Variants in PTER observed in about 807,000 individuals in gnomAD.
PTER encodes the protein N-acetyltaurine hydrolase.
PTER carries 38 observed loss-of-function variants against 29.6 expected under a neutral mutation model. That is an observed-to-expected ratio of 1.28 (90% CI 0.99 to 1.68). PTER has a LOEUF of 1.68. Among genes scored for constraint, PTER ranks in the 40% most tolerant of loss-of-function variants. PTER has a pLI of 0.00. For synonymous variants in PTER, 172 were observed against 154.5 expected, an observed-to-expected ratio of 1.11 and a Z score of -0.84; for missense variants, 482 against 427.8, an observed-to-expected ratio of 1.13 and a Z score of -1.12.
chr10:16,484,209 T>C (rs910558380), intron 1 of PTER, 128 bp from the exon 2 acceptor site: 24 of 601,292 alleles, frequency 4.0e-5, no homozygotes, highest in Admixed American at 3.8e-4. Context: ...TGAGATCGTA[T>C]CTCTAGTTTT....
At chr10:16,509,759 A>C (rs1474041782) in intron 4 of PTER, among the ~76,000 whole-genome samples, 1 of 152,226 alleles carries the variant, frequency 6.6e-6, no homozygotes, top group Non-Finnish European at 1.5e-5. Flanking sequence ...TCAATGAGGC[A>C]AAAAATCATA....
rs928930089 is a variant in PTER, at chr10:16,513,037, T to C, written c.*1781T>C. 2.0e-5 allele frequency: 3 copies of C among 152,488 alleles called. No individual in the cohort carries two copies. Among genetic ancestry groups the C allele is most frequent in the African/African-American group, 7.2e-5 (3 of 41,452 alleles). 9.4% of individuals were successfully genotyped at this position (152,488 alleles called of 1,614,324 possible). A position where few individuals can be genotyped will look rare whatever the true frequency, so the allele number is the denominator to read the frequency against. On this transcript the variant is annotated 3_prime_UTR_variant, in exon 5 of 5. Coordinates refer to ENST00000535784, the MANE Select transcript of PTER (RefSeq NM_001261836.2). ...AAAAAATTGATAGCTCAAATGCATG[T>C]AATTCATAAACACTGCAAAGGAGAG...
intron 2 of PTER, 98 bp downstream of exon 2, chr10:16,484,914 G>A (rs947565984): frequency 3.8e-6 from 5 of 1,332,388 alleles, no homozygotes; most frequent in East Asian, 5.0e-5. Context: ...GGCATGCTAC[G>A]GAAATTTGCT....
Position 16,484,682 on chromosome 10 carries a change from A to T in PTER, c.298A>T (p.Thr100Ser), listed in dbSNP as rs747910553. The change falls in exon 2 of 5, where the codon ACC (threonine) becomes TCC (serine). Residue 100 changes from threonine (T) to serine (S), a missense_variant. Thr to Ser is a moderately conservative substitution (Grantham distance 58). Coordinates refer to ENST00000535784, the MANE Select transcript of PTER (RefSeq NM_001261836.2). ...NGGGALVENT[T>S]TGISRDTQTL... ...TGGAGGGGCTTTGGTGGAAAACACAACCACTGGGATTAGCCGAGACACACA... is the reference window on the plus strand; with the variant it reads ...TGGAGGGGCTTTGGTGGAAAACACATCCACTGGGATTAGCCGAGACACACA... 6 of 1,614,150 alleles carry T rather than the reference A, an allele frequency of 3.7e-6. No homozygotes were observed. In the South Asian group the frequency reaches 6.6e-5, roughly 18 times the overall value.
chr10:16,478,779 G>A (rs1835373281), intron 1 of PTER, among the ~76,000 whole-genome samples: 2 of 152,294 alleles, frequency 1.3e-5, no homozygotes, highest in South Asian at 4.1e-4. Flanking sequence ...ACTGGCCCAA[G>A]TTAAACTGAA....
Position 16,486,471 on chromosome 10 carries a change from C to G in PTER, c.552C>G (p.Leu184=). Reference sequence around the variant, plus strand: ...TGACTGAGAGTGAAAGAAAGGTTCTCCAGGCCACAGCTCATGCCCAGGCTC... The same window carrying G: ...TGACTGAGAGTGAAAGAAAGGTTCTGCAGGCCACAGCTCATGCCCAGGCTC... The part of the protein sequence containing the change: ...WPLTESERKV[L]QATAHAQAQL... The change falls in exon 3 of 5, where the codon CTC becomes CTG. Residue 184 remains leucine, a synonymous_variant. Coordinates refer to ENST00000535784, the MANE Select transcript of PTER (RefSeq NM_001261836.2). 1 of 1,614,034 alleles carries G rather than the reference C, an allele frequency of 6.2e-7. No individual in the cohort carries two copies. The highest frequency in any genetic ancestry group is 8.5e-7 in the Non-Finnish European group (1 of 1,179,992).
At chr10:16,442,415 G>T (rs1019284548) in intron 1 of PTER, among the ~76,000 whole-genome samples, 1 of 152,138 alleles carries the variant, frequency 6.6e-6, no homozygotes, top group Non-Finnish European at 1.5e-5. Flanking sequence ...TTGAAATAAA[G>T]ATTTATTTGG....
chr10:16,454,227 A>G (rs929824963), intron 1 of PTER, among the ~76,000 whole-genome samples: 2 of 152,206 alleles, frequency 1.3e-5, no homozygotes, highest in African/African-American at 4.8e-5. Context: ...GTAAGTTAAC[A>G]TTAATTTTTG....
chr10:16,477,289 TA>T (rs1564397303), intron 1 of PTER, among the ~76,000 whole-genome samples: 6 of 142,178 alleles, frequency 4.2e-5, no homozygotes, highest in Non-Finnish European at 5.9e-5. Context: ...GATAGATAGA[TA>T]GATAGATAGA....
At chr10:16,450,794 T>C (rs1588585378) in intron 1 of PTER, among the ~76,000 whole-genome samples, 2 of 152,196 alleles carry the variant, frequency 1.3e-5, no homozygotes, top group East Asian at 3.9e-4. Flanking sequence ...ACCAACTTTA[T>C]TGTATTCCTT....
At chr10:16,461,264 G>A (rs115039035) in intron 1 of PTER, among the ~76,000 whole-genome samples, 3,944 of 151,738 alleles carry the variant, frequency 0.026, 74 homozygotes, top group African/African-American at 0.042. Context: ...TTTTTATGGG[G>A]AAAATATATA....
intron 4 of PTER, among the ~76,000 whole-genome samples, chr10:16,509,169 A>G (rs780548483): frequency 1.3e-5 from 2 of 152,156 alleles, no homozygotes; most frequent in Non-Finnish European, 2.9e-5. Context: ...GCATCTCTGT[A>G]ACTCCTGTTC....
chr10:16,511,301 G>A lies in PTER; in HGVS notation c.*45G>A. The A allele has an allele frequency of 6.5e-7, 1 of 1,530,756 alleles. No individual in the cohort carries two copies. Among genetic ancestry groups the A allele is most frequent in the East Asian group, 2.3e-5 (1 of 44,438 alleles). 94.8% of individuals were successfully genotyped at this position (1,530,756 alleles called of 1,614,324 possible). On this transcript the variant is annotated 3_prime_UTR_variant, in exon 5 of 5. Transcript: ENST00000535784. ...ACACCTTGAGTATAAAACTTGCAGA[G>A]AACATTCAGCGATTTCCAGTCCACT... is the stretch of plus-strand genomic sequence containing the variant.
intron 1 of PTER, among the ~76,000 whole-genome samples, chr10:16,464,823 A>G (rs772698152): frequency 3.6e-4 from 55 of 152,322 alleles, no homozygotes; most frequent in Non-Finnish European, 1.0e-4. Context: ...AGATAAAGAC[A>G]TACCTGAGAC....
chr10:16,455,832 T>G (rs1258924898), intron 1 of PTER, among the ~76,000 whole-genome samples: 1 of 152,256 alleles, frequency 6.6e-6, no homozygotes, highest in Admixed American at 6.5e-5. Flanking sequence ...GCTAATTTTG[T>G]GTTTGTAATA....
chr10:16,489,736 C>A (rs1040942468), intron 3 of PTER, among the ~76,000 whole-genome samples: 9 of 143,964 alleles, frequency 6.3e-5, no homozygotes, highest in Middle Eastern at 3.5e-3. Context: ...TGGCCTGTGA[C>A]AAACGCCATT....
In PTER at chr10:16,478,514, A is replaced by C. The variant is rs546205794; in HGVS notation, c.-48-5823A>C. Among the ~76,000 whole-genome samples the C allele has an allele frequency of 1.5e-4, 23 of 152,030 alleles. No individual in the cohort carries two copies. The South Asian group carries it at 3.3e-3, about 22-fold the overall frequency. On this transcript the variant is annotated intron_variant, in intron 1 of 4. Coordinates refer to ENST00000535784, the MANE Select transcript of PTER (RefSeq NM_001261836.2). ...ACAGCTGACTAATTTTTGTATTTTT[A>C]GTGGAGACGGGGTTTTACTATGTTG...
At chr10:16,484,886 T>C in intron 2 of PTER, 70 bp downstream of exon 2, 1 of 1,477,846 alleles carries the variant, frequency 6.8e-7, no homozygotes, top group Non-Finnish European at 9.0e-7. Flanking sequence ...GGAAATGCCC[T>C]GGGTTCAGAG....
At chr10:16,498,778 T>C (rs1836217341) in intron 3 of PTER, among the ~76,000 whole-genome samples, 1 of 152,230 alleles carries the variant, frequency 6.6e-6, no homozygotes, top group Admixed American at 6.5e-5. Flanking sequence ...GGTAATATAC[T>C]GACATTAGGG....
Sources: gnomAD v4.1 joint callset for allele counts (sites outside exome capture counted in the v4.1 genomes callset) on GRCh38, gnomAD v4.1.1 for gene constraint, MANE v1.5 for transcripts, NCBI Gene and HGNC (gene_info 2026-07-23, HGNC 2026-07-21) for gene names.